Variants in ZZEF1 observed in about 807,000 individuals in gnomAD.
The protein encoded by ZZEF1 is zinc finger ZZ-type and EF-hand domain containing 1.
A neutral mutation model predicts 342.8 loss-of-function variants in ZZEF1; 157 were observed. The observed-to-expected ratio is 0.46, with a 90% confidence interval of 0.40 to 0.52. The LOEUF (loss-of-function observed/expected upper bound fraction) is 0.52, where lower values mean the gene tolerates loss of function less well. Among genes scored for constraint, ZZEF1 ranks in the 20% least tolerant of loss-of-function variants. The pLI is 0.00. For missense variants in ZZEF1, 3,480 were observed against 3,725.6 expected (o/e 0.93, Z 1.72); for synonymous variants, 1,505 against 1,429.1 (o/e 1.05, Z -1.20).
intron 39 of ZZEF1, among the ~76,000 whole-genome samples, chr17:4,036,179 GGAT>G (rs2056658781): frequency 6.6e-6 from 1 of 151,828 alleles, no homozygotes; most frequent in African/African-American, 2.4e-5. Flanking sequence ...ATTATACGAA[GGAT>G]GATGGGATCC....
chr17:4,120,436 A>G (rs1305786421), intron 2 of ZZEF1, among the ~76,000 whole-genome samples: 2 of 152,156 alleles, frequency 1.3e-5, no homozygotes, highest in East Asian at 3.8e-4. Flanking sequence ...AGAGGGACAG[A>G]AATAATAGGA....
intron 5 of ZZEF1, among the ~76,000 whole-genome samples, chr17:4,111,213 C>G (rs973560845): frequency 6.6e-6 from 1 of 151,662 alleles, no homozygotes; most frequent in South Asian, 2.1e-4. Flanking sequence ...TGTATGTAAA[C>G]CATACACACA....
At chr17:4,124,322 A>G (rs1031377368) in intron 1 of ZZEF1, among the ~76,000 whole-genome samples, 1 of 152,242 alleles carries the variant, frequency 6.6e-6, no homozygotes, top group Non-Finnish European at 1.5e-5. Context: ...ATTATGTAGT[A>G]AGTCTCCTCC....
At chr17:4,049,583 G>T in intron 37 of ZZEF1, 125 bp downstream of exon 37, 1 of 1,069,570 alleles carries the variant, frequency 9.3e-7, no homozygotes, top group Non-Finnish European at 1.4e-6. Flanking sequence ...GATGGAGCAG[G>T]CATGTGAATC....
At chr17:4,035,869 G>T (rs1333807111) in intron 39 of ZZEF1, among the ~76,000 whole-genome samples, 2 of 152,138 alleles carry the variant, frequency 1.3e-5, no homozygotes, top group Admixed American at 6.5e-5. Flanking sequence ...GGAGGCCAAG[G>T]CAGGGGGATT....
In ZZEF1 at chr17:4,075,301, A is replaced by G. The variant is rs2057589424; in HGVS notation, c.3363T>C (p.Phe1121=). 1.2e-6 allele frequency: 2 copies of G among 1,614,124 alleles called. No homozygotes were observed. The highest frequency in any genetic ancestry group is 3.3e-5 in the Admixed American group (2 of 60,004). Residue 1121 remains phenylalanine (F), a synonymous_variant, in exon 22 of 55, where the codon TTT becomes TTC. Transcript: ENST00000381638. ...CACACCTGTCATCGAATTCCACTTC[A>G]AAATAGGTTGCCCCTGGGCTAACAA... ...SVFVSPGATY[F]EVEFDDRCET...
intron 13 of ZZEF1, 120 bp downstream of exon 13, chr17:4,088,558 T>C: frequency 9.5e-7 from 1 of 1,054,366 alleles, no homozygotes; most frequent in African/African-American, 1.6e-5. Flanking sequence ...CCTGCAGCAG[T>C]ACAATGCCCA....
rs2055807589 is a variant in ZZEF1, at chr17:4,006,671, T to G, written c.*219A>C. 1.6e-6 allele frequency: 1 copy of G among 610,140 alleles called. No homozygotes were observed. The highest frequency in any genetic ancestry group is 2.9e-6 in the Non-Finnish European group (1 of 339,042). The allele number at this position is 610,140 out of a possible 1,614,324, so 37.8% of individuals were successfully genotyped here. Reference sequence around the variant, plus strand: ...CCTGCCCACCCTTTCTGAGGCATTCTGCACTGCTTGGCTTATTTTCACCAT... The same window carrying G: ...CCTGCCCACCCTTTCTGAGGCATTCGGCACTGCTTGGCTTATTTTCACCAT... On this transcript the variant is annotated 3_prime_UTR_variant, in exon 55 of 55. Coordinates refer to ENST00000381638, the MANE Select transcript of ZZEF1 (RefSeq NM_015113.4).
chr17:4,132,979 G>A (rs143240049), intron 1 of ZZEF1, among the ~76,000 whole-genome samples: 6 of 152,154 alleles, frequency 3.9e-5, no homozygotes, highest in African/African-American at 1.4e-4. Flanking sequence ...AAAAAAAGTG[G>A]AGCAGGTGGG....
At chr17:4,069,801 A>G (rs2057473760) in intron 26 of ZZEF1, among the ~76,000 whole-genome samples, 1 of 152,228 alleles carries the variant, frequency 6.6e-6, no homozygotes, top group East Asian at 1.9e-4. Flanking sequence ...ACTGCACTCC[A>G]GGCTGGGTGA....
At chr17:4,012,903 T>C (rs1353330056) in intron 52 of ZZEF1, among the ~76,000 whole-genome samples, 1 of 152,200 alleles carries the variant, frequency 6.6e-6, no homozygotes. Flanking sequence ...AACAAAATGT[T>C]AAGTCCTCTA....
chr17:4,009,848 T>G (rs909217834), intron 52 of ZZEF1, 91 bp from the exon 53 acceptor site: 56 of 1,428,976 alleles, frequency 3.9e-5, no homozygotes, highest in Middle Eastern at 3.7e-4. Flanking sequence ...GCTCAGACCC[T>G]CCCTCTCCCA....
chr17:4,126,642 G>A (rs1412727517), intron 1 of ZZEF1, among the ~76,000 whole-genome samples: 1 of 152,150 alleles, frequency 6.6e-6, no homozygotes, highest in Non-Finnish European at 1.5e-5. Flanking sequence ...GGATGTAAGT[G>A]GTAAAAAGCC....
chr17:4,110,503 C>CAA (rs748024625), intron 5 of ZZEF1, among the ~76,000 whole-genome samples: 2 of 152,226 alleles, frequency 1.3e-5, no homozygotes, highest in Non-Finnish European at 2.9e-5. Context: ...TTCCTTTGAG[C>CAA]AAAGAACACT....
intron 16 of ZZEF1, among the ~76,000 whole-genome samples, chr17:4,085,039 G>C (rs905216546): frequency 6.6e-6 from 1 of 152,176 alleles, no homozygotes; most frequent in African/African-American, 2.4e-5. Flanking sequence ...TTGAGCCTGG[G>C]AGATAGAGAA....
chr17:4,027,440 G>C (rs886289494), intron 42 of ZZEF1, among the ~76,000 whole-genome samples: 1 of 151,242 alleles, frequency 6.6e-6, no homozygotes, highest in African/African-American at 2.4e-5. Context: ...GATTACAGGC[G>C]CACACCACCA....
intron 10 of ZZEF1, among the ~76,000 whole-genome samples, chr17:4,096,376 C>T (rs1041321432): frequency 2.0e-5 from 3 of 150,824 alleles, no homozygotes; most frequent in African/African-American, 7.3e-5. Context: ...TCAATAATAA[C>T]CTAATTGTAC....
chr17:4,109,295 C>T (rs1469024176), intron 6 of ZZEF1, among the ~76,000 whole-genome samples: 1 of 152,178 alleles, frequency 6.6e-6, no homozygotes. Flanking sequence ...TATCCAACAT[C>T]AAATCCTATA....
rs529104405 is a variant in ZZEF1 at position 4,056,154 on chromosome 17, C to A, written c.5295+62G>T. On this transcript the variant is annotated intron_variant, in intron 33 of 54. Coordinates refer to ENST00000381638, the MANE Select transcript of ZZEF1 (RefSeq NM_015113.4). ...AAGAGCCTGCCAGAACCCCCCCAGG[C>A]AAACTCTCCTCTCCAAACTCCTAGC... is the stretch of plus-strand genomic sequence containing the variant. 6.7e-5 allele frequency: 96 copies of A among 1,434,072 alleles called. 1 individual carries two copies. In the Admixed American group the frequency reaches 1.8e-3, roughly 27 times the overall value. 88.8% of individuals were successfully genotyped at this position (1,434,072 alleles called of 1,614,324 possible).
Sources: allele counts gnomAD v4.1 joint callset (sites outside exome capture counted in the v4.1 genomes callset), GRCh38; gene constraint gnomAD v4.1.1; transcripts MANE v1.5; gene names NCBI Gene and HGNC (gene_info 2026-07-23, HGNC 2026-07-21).